Variants in TTC28 observed in about 807,000 individuals in gnomAD.
TTC28 encodes the protein tetratricopeptide repeat protein 28.
In TTC28, 61 loss-of-function variants were observed where a neutral mutation model predicts 198.0. The observed-to-expected ratio is 0.31, with a 90% CI of 0.25 to 0.38. The LOEUF is 0.38. TTC28 is among the 10% of genes least tolerant of loss of function. The pLI is 1.00. For synonymous variants in TTC28, 1,171 were observed against 1,297.8 expected (o/e 0.90, Z 2.10); for missense variants, 2,678 against 3,164.0 (o/e 0.85, Z 3.69).
intron 2 of TTC28, among the ~76,000 whole-genome samples, chr22:28,581,272 T>C (rs1342064104): frequency 6.6e-6 from 1 of 152,208 alleles, no homozygotes; most frequent in African/African-American, 2.4e-5. Flanking sequence ...CCTTCTGCTA[T>C]GATTCTAAGT....
intron 9 of TTC28, 83 bp downstream of exon 9, chr22:28,101,088 G>A: frequency 3.0e-6 from 3 of 995,346 alleles, no homozygotes; most frequent in Non-Finnish European, 4.4e-6. Context: ...TCTTGTAAAT[G>A]CCATCACTAC....
rs756321451 is a variant in TTC28, at chr22:27,983,871, G to A, written c.5816-20C>T. The A allele has an allele frequency of 2.3e-4, 350 of 1,537,582 alleles. 4 individuals carry two copies. Among genetic ancestry groups the A allele is most frequent in the Admixed American group, 6.4e-5 (3 of 46,636 alleles). On this transcript the variant is annotated intron_variant, in intron 22 of 22. Coordinates refer to ENST00000397906, the MANE Select transcript of TTC28 (RefSeq NM_001145418.2). ...TAGAATCTAAGCACAAAACACAAGGGCCCCAAGGACAGTTAGAATTCTATA... is the reference window on the plus strand; with the variant it reads ...TAGAATCTAAGCACAAAACACAAGGACCCCAAGGACAGTTAGAATTCTATA...
intron 2 of TTC28, among the ~76,000 whole-genome samples, chr22:28,471,564 C>T (rs1313404469): frequency 6.6e-6 from 1 of 152,064 alleles, no homozygotes; most frequent in Non-Finnish European, 1.5e-5. Flanking sequence ...TTGGAAACAA[C>T]AGGGAGCATG....
chr22:28,060,346 T>C (rs1420170095), intron 12 of TTC28, among the ~76,000 whole-genome samples: 1 of 152,186 alleles, frequency 6.6e-6, no homozygotes, highest in African/African-American at 2.4e-5. Context: ...GAACATGCGG[T>C]GTTTGGTTTT....
intron 2 of TTC28, among the ~76,000 whole-genome samples, chr22:28,314,186 C>T (rs2045315875): frequency 6.6e-6 from 1 of 152,174 alleles, no homozygotes; most frequent in Admixed American, 6.5e-5. Context: ...AGGAGAACTA[C>T]AAACTACTGC....
intron 12 of TTC28, among the ~76,000 whole-genome samples, chr22:28,039,975 T>C (rs1939547255): frequency 6.6e-6 from 1 of 152,066 alleles, no homozygotes; most frequent in African/African-American, 2.4e-5. Context: ...GCAAATAAAC[T>C]AGAAAATCTA....
chr22:28,149,329 C>A (rs959085685), intron 6 of TTC28, among the ~76,000 whole-genome samples: 2 of 152,142 alleles, frequency 1.3e-5, no homozygotes, highest in African/African-American at 4.8e-5. Context: ...GCATTATTCA[C>A]AATAACCAAG....
At chr22:28,452,840 C>T (rs1463728312) in intron 2 of TTC28, among the ~76,000 whole-genome samples, 2 of 152,164 alleles carry the variant, frequency 1.3e-5, no homozygotes, top group Non-Finnish European at 2.9e-5. Context: ...CTTTCCCCTA[C>T]CATCTGAGTT....
intron 5 of TTC28, among the ~76,000 whole-genome samples, chr22:28,211,229 G>C (rs993045093): frequency 3.3e-5 from 5 of 152,192 alleles, no homozygotes; most frequent in East Asian, 3.9e-4. Flanking sequence ...ATCAACTAAC[G>C]AGCAAAATAA....
intron 5 of TTC28, among the ~76,000 whole-genome samples, chr22:28,221,819 G>A (rs1927893192): frequency 6.6e-6 from 1 of 152,096 alleles, no homozygotes; most frequent in East Asian, 1.9e-4. Flanking sequence ...CCTCTACTGT[G>A]GCACTTATCA....
intron 2 of TTC28, among the ~76,000 whole-genome samples, chr22:28,441,976 A>G (rs566600265): frequency 1.3e-5 from 2 of 151,980 alleles, no homozygotes; most frequent in South Asian, 4.2e-4. Flanking sequence ...GGCAAAAAGG[A>G]GCCCTAGCCA....
chr22:28,007,290 T>C (rs765937547), intron 14 of TTC28: 3 of 152,092 alleles, frequency 2.0e-5, no homozygotes, highest in Non-Finnish European at 4.4e-5. Context: ...GATGGGTGGA[T>C]ACATACAGTT....
At chr22:28,084,734 A>G (rs1409676912) in intron 12 of TTC28, among the ~76,000 whole-genome samples, 2 of 152,004 alleles carry the variant, frequency 1.3e-5, no homozygotes, top group Non-Finnish European at 2.9e-5. Context: ...GGAAGTTCGA[A>G]CCAATGGCAA....
intron 12 of TTC28, among the ~76,000 whole-genome samples, chr22:28,062,389 C>T (rs1940579011): frequency 6.8e-6 from 1 of 148,062 alleles, no homozygotes; most frequent in Non-Finnish European, 1.5e-5. Context: ...TTCTGTTGTG[C>T]CCTGTGGATT....
In TTC28 at chr22:28,105,453, G is replaced by T. The variant is rs530119088; in HGVS notation, c.3133C>A (p.Leu1045Met). Residue 1045 changes from leucine (L) to methionine (M), a missense_variant, in exon 8 of 23, where the codon CTG (leucine) becomes ATG (methionine). By Grantham distance (15) the Leu-to-Met change is conservative. This residue lies in a region of TTC28 where 727 missense variants were observed against 861.9 expected (regional missense o/e 0.84). Transcript: ENST00000397906. ...AAGGTGCCCAGGGATTCATAAGTCA[G>T]GCCCAGGTTCCCATAGGCTCGGCCC... The part of the protein sequence containing the change: ...CQGRAYGNLG[L>M]TYESLGTFER... 7.2e-5 allele frequency: 112 copies of T among 1,551,670 alleles called. No homozygotes were observed. The highest frequency in any genetic ancestry group is 4.3e-4 in the Admixed American group (22 of 51,002).
At chr22:28,304,642 G>C (rs929346781) in intron 3 of TTC28, among the ~76,000 whole-genome samples, 1 of 152,162 alleles carries the variant, frequency 6.6e-6, no homozygotes, top group African/African-American at 2.4e-5. Flanking sequence ...GCTATTTCCA[G>C]CAGCGCAGGG....
chr22:28,405,144 C>T (rs572495873), intron 2 of TTC28, among the ~76,000 whole-genome samples: 2 of 152,278 alleles, frequency 1.3e-5, no homozygotes, highest in Admixed American at 6.5e-5. Flanking sequence ...AGTTTTTACT[C>T]ATACACAATT....
chr22:28,561,988 A>G (rs1019855034), intron 2 of TTC28, among the ~76,000 whole-genome samples: 1 of 152,192 alleles, frequency 6.6e-6, no homozygotes, highest in Admixed American at 6.5e-5. Context: ...GTATACCATT[A>G]TATCTCTACT....
chr22:28,294,367 G>A (rs1451700600), intron 5 of TTC28, among the ~76,000 whole-genome samples: 1 of 151,860 alleles, frequency 6.6e-6, no homozygotes, highest in Non-Finnish European at 1.5e-5. Flanking sequence ...TTGAGAAGAG[G>A]GAAGGCAGAA....
Sources: allele counts gnomAD v4.1 joint callset (sites outside exome capture counted in the v4.1 genomes callset), GRCh38; gene constraint gnomAD v4.1.1; regional missense constraint gnomAD v4.1.1; transcripts MANE v1.5; gene names NCBI Gene and HGNC (gene_info 2026-07-23, HGNC 2026-07-21).